Variants in RASGRF2 observed in about 807,000 individuals in gnomAD.
RASGRF2 encodes ras-specific guanine nucleotide-releasing factor 2.
In RASGRF2, 76 loss-of-function variants were observed where a neutral mutation model predicts 151.0. The observed-to-expected ratio is 0.50, with a 90% CI of 0.42 to 0.61. The LOEUF (loss-of-function observed/expected upper bound fraction) is 0.61, where lower values mean the gene tolerates loss of function less well. RASGRF2 is among the 20% of genes least tolerant of loss of function. The pLI, the probability that RASGRF2 is intolerant of heterozygous loss-of-function variation, is 0.00. For synonymous variants in RASGRF2, 504 were observed against 566.5 expected, an observed-to-expected ratio of 0.89 and a Z score of 1.57; for missense variants, 1,148 against 1,564.6, an observed-to-expected ratio of 0.73 and a Z score of 4.49.
chr5:81,004,901 G>T (rs1749214121), intron 1 of RASGRF2, among the ~76,000 whole-genome samples: 1 of 152,128 alleles, frequency 6.6e-6, no homozygotes, highest in South Asian at 2.1e-4. Context: ...GGAACAGAGT[G>T]CAGTACACGT....
At chr5:81,064,884 A>G (rs28736706) in intron 2 of RASGRF2, among the ~76,000 whole-genome samples, 30,772 of 152,132 alleles carry the variant, frequency 0.2, 3,362 homozygotes, top group Middle Eastern at 0.35. Flanking sequence ...GTTACTGAAG[A>G]TATCATTACA....
intron 22 of RASGRF2, among the ~76,000 whole-genome samples, chr5:81,211,172 C>A (rs1304399571): frequency 6.7e-6 from 1 of 149,912 alleles, no homozygotes; most frequent in Non-Finnish European, 1.5e-5. Flanking sequence ...AGACTCAGTG[C>A]AGGCGTGACC....
intron 1 of RASGRF2, among the ~76,000 whole-genome samples, chr5:81,042,192 C>G (rs930697241): frequency 5.3e-5 from 8 of 152,116 alleles, no homozygotes; most frequent in Non-Finnish European, 1.0e-4. Flanking sequence ...CCTACTTGAG[C>G]CCAGTTCCTT....
chr5:81,035,761 G>C (rs753019998), intron 1 of RASGRF2, among the ~76,000 whole-genome samples: 2 of 152,148 alleles, frequency 1.3e-5, no homozygotes, highest in Non-Finnish European at 2.9e-5. Flanking sequence ...CGAATGTAAA[G>C]GTGTTGTTAA....
chr5:81,062,126 G>A (rs1371526667), intron 2 of RASGRF2, among the ~76,000 whole-genome samples: 1 of 151,972 alleles, frequency 6.6e-6, no homozygotes, highest in East Asian at 1.9e-4. Context: ...GTAAGCATAG[G>A]CCACTGTGCC....
At chr5:81,011,669 A>G (rs1303906112) in intron 1 of RASGRF2, among the ~76,000 whole-genome samples, 2 of 151,906 alleles carry the variant, frequency 1.3e-5, no homozygotes, top group African/African-American at 4.8e-5. Flanking sequence ...TGAACCTGGG[A>G]GGCGGAGGTT....
At chr5:80,964,981 T>G (rs1007680002) in intron 1 of RASGRF2, among the ~76,000 whole-genome samples, 31 of 152,116 alleles carry the variant, frequency 2.0e-4, no homozygotes, top group African/African-American at 7.0e-4. Context: ...CTGGTGGTGG[T>G]AAATGTTCTC....
chr5:81,027,205 TA>T (rs144784634), intron 1 of RASGRF2, among the ~76,000 whole-genome samples: 12,321 of 152,242 alleles, frequency 0.081, 716 homozygotes, highest in East Asian at 0.16. Context: ...GTACATTTGT[TA>T]AAACCCATAG....
intron 18 of RASGRF2, among the ~76,000 whole-genome samples, chr5:81,188,171 G>A (rs1285331291): frequency 6.6e-6 from 1 of 152,104 alleles, no homozygotes; most frequent in Non-Finnish European, 1.5e-5. Context: ...TTGGCCACAG[G>A]GTACTTTTCT....
intron 1 of RASGRF2, among the ~76,000 whole-genome samples, chr5:80,988,015 G>A (rs1292906208): frequency 3.3e-4 from 16 of 49,208 alleles, no homozygotes; most frequent in African/African-American, 1.4e-3. Context: ...GTGCGTGTGT[G>A]TGTGTGTGTG....
chr5:81,205,229 C>T (rs910003664), intron 19 of RASGRF2, among the ~76,000 whole-genome samples: 1 of 152,170 alleles, frequency 6.6e-6, no homozygotes, highest in Non-Finnish European at 1.5e-5. Flanking sequence ...TCCTGCTCCC[C>T]CTTCAGACAG....
rs148141833 is a variant in RASGRF2 at position 81,142,326 on chromosome 5, A to G, written c.2686+15163A>G. Reference sequence around the variant, plus strand: ...TGATGGCAATGTGCTGCACGTGTGAATGGTGTGAAAACAGAAGGCTAAACA... The same window carrying G: ...TGATGGCAATGTGCTGCACGTGTGAGTGGTGTGAAAACAGAAGGCTAAACA... On this transcript the variant is annotated intron_variant, in intron 17 of 26. Transcript: ENST00000265080. Among the ~76,000 whole-genome samples, 558 of 152,290 alleles carry G rather than the reference A, an allele frequency of 3.7e-3. 1 individual carries two copies. The highest frequency in any genetic ancestry group is 0.013 in the African/African-American group (539 of 41,554).
At position 81,228,687 on chromosome 5, in the gene RASGRF2, G is replaced by A. The variant is rs920841774; in HGVS notation, c.*2917G>A. 1 of 152,158 alleles carries A rather than the reference G, an allele frequency of 6.6e-6. No homozygotes were observed. Among genetic ancestry groups the A allele is most frequent in the Non-Finnish European group, 1.5e-5 (1 of 68,018 alleles). The allele number at this position is 152,158 out of a possible 1,614,324, so 9.4% of individuals were successfully genotyped here. On this transcript the variant is annotated 3_prime_UTR_variant, in exon 27 of 27. Transcript: ENST00000265080. The stretch of plus-strand genomic sequence containing the variant: ...TGGAGCTTTTAGGGGATGCCTTTTC[G>A]TTATTAACTGAGACATCTAGTTTTG...
At chr5:81,186,342 C>T (rs1251920461) in intron 18 of RASGRF2, among the ~76,000 whole-genome samples, 4 of 152,082 alleles carry the variant, frequency 2.6e-5, no homozygotes, top group African/African-American at 4.8e-5. Context: ...AAGTCTCTGC[C>T]CCTCTTCCTG....
chr5:81,215,221 T>C (rs1755708767), intron 23 of RASGRF2, among the ~76,000 whole-genome samples: 1 of 151,850 alleles, frequency 6.6e-6, no homozygotes, highest in African/African-American at 2.4e-5. Context: ...CGCCTGTAAA[T>C]TCCACTTGTC....
chr5:80,999,133 G>A (rs1243432815), intron 1 of RASGRF2, among the ~76,000 whole-genome samples: 1 of 152,092 alleles, frequency 6.6e-6, no homozygotes, highest in African/African-American at 2.4e-5. Context: ...ATGCAATGGG[G>A]TTGGAGGAGG....
chr5:81,155,790 G>A (rs1221009753), intron 17 of RASGRF2, among the ~76,000 whole-genome samples: 1 of 152,200 alleles, frequency 6.6e-6, no homozygotes, highest in East Asian at 1.9e-4. Context: ...AGAGACAGGA[G>A]ATGTTCTGGC....
intron 1 of RASGRF2, among the ~76,000 whole-genome samples, chr5:80,972,681 T>C (rs147927994): frequency 0.019 from 2,826 of 152,272 alleles, 92 homozygotes; most frequent in African/African-American, 0.065. Flanking sequence ...GGTTTCATCA[T>C]GTTGGCCAGG....
chr5:81,032,199 C>G (rs1209955536), intron 1 of RASGRF2, among the ~76,000 whole-genome samples: 1 of 152,158 alleles, frequency 6.6e-6, no homozygotes, highest in African/African-American at 2.4e-5. Context: ...GACAGATTCA[C>G]AGCCGAATTC....
Sources: allele counts gnomAD v4.1 joint callset (sites outside exome capture counted in the v4.1 genomes callset), GRCh38; gene constraint gnomAD v4.1.1; transcripts MANE v1.5; gene names NCBI Gene and HGNC (gene_info 2026-07-23, HGNC 2026-07-21).